The following ZNF28 variants were observed in gnomAD, a reference collection of about 807,000 sequenced individuals.
ZNF28 encodes the protein zinc finger protein KOX24.
In ZNF28, 5 loss-of-function variants were observed where a neutral mutation model predicts 7.2. That is an observed-to-expected ratio of 0.70 (90% CI 0.36 to 1.46). The LOEUF (loss-of-function observed/expected upper bound fraction) is 1.46. ZNF28 is among the 40% of genes most tolerant of loss of function. The pLI is 0.03. For missense variants in ZNF28, 879 were observed against 866.6 expected (o/e 1.01, Z -0.18); for synonymous variants, 288 against 292.4 (o/e 0.99, Z 0.15).
In ZNF28 at chr19:52,800,908, G is replaced by A. The variant is rs1298255221; in HGVS notation, c.937C>T (p.His313Tyr). The change falls in exon 4 of 4, where the codon CAC becomes TAC. Residue 313 changes from histidine to tyrosine, a missense_variant. Physicochemically the swap from His to Tyr is moderately conservative, Grantham distance 83. Coordinates refer to ENST00000457749, the MANE Select transcript of ZNF28 (RefSeq NM_006969.5). ...ECDKVFSRKS[H>Y]LETHKIIYTG... is the part of the protein sequence containing the mutation. Reference sequence around the variant, plus strand: ...TAAATTATCTTATGTGTTTCAAGGTGTGATTTGCGACTGAAAACTTTGTCA... The same window carrying A: ...TAAATTATCTTATGTGTTTCAAGGTATGATTTGCGACTGAAAACTTTGTCA... 6.2e-7 allele frequency: 1 copy of A among 1,614,054 alleles called. No individual in the cohort carries two copies. Among genetic ancestry groups the A allele is most frequent in the Admixed American group, 1.7e-5 (1 of 60,014 alleles).
Position 52,799,992 on chromosome 19 carries a change from T to C in ZNF28, c.1853A>G (p.Gln618Arg), listed in dbSNP as rs1456569734. ...KCNECGKTFR[Q>R]TSSLIIHRRL... ...ACGATGGATTATAAGCGATGATGTCTGACGGAAGGTCTTGCCACACTCATT... is the reference window on the plus strand; with the variant it reads ...ACGATGGATTATAAGCGATGATGTCCGACGGAAGGTCTTGCCACACTCATT... Residue 618 changes from glutamine (Q) to arginine (R), a missense_variant, in exon 4 of 4, where the codon CAG becomes CGG. Gln to Arg is a conservative substitution (Grantham distance 43, BLOSUM62 1). Transcript: ENST00000457749. 3.7e-6 allele frequency: 6 copies of C among 1,612,818 alleles called. No individual in the cohort carries two copies. Among genetic ancestry groups the C allele is most frequent in the Non-Finnish European group, 5.1e-6 (6 of 1,179,558 alleles).
chr19:52,799,312 A>G lies in ZNF28; in HGVS notation c.*376T>C, dbSNP rs944625614. 16 of 430,734 alleles carry G rather than the reference A, an allele frequency of 3.7e-5. No individual in the cohort carries two copies. Among genetic ancestry groups the G allele is most frequent in the African/African-American group, 3.0e-4 (15 of 49,358 alleles). 26.7% of individuals were successfully genotyped at this position (430,734 alleles called of 1,614,324 possible). On this transcript the variant is annotated 3_prime_UTR_variant, in exon 4 of 4. Coordinates refer to ENST00000457749, the MANE Select transcript of ZNF28 (RefSeq NM_006969.5). Reference sequence around the variant, plus strand: ...TGAATTCTAATATGTTTTGCCAGGTATGAATTATATTCAAAAATCTTGTCA... The same window carrying G: ...TGAATTCTAATATGTTTTGCCAGGTGTGAATTATATTCAAAAATCTTGTCA...
At chr19:52,821,281 C>T (rs367564437) in intron 1 of ZNF28, among the ~76,000 whole-genome samples, 1 of 152,044 alleles carries the variant, frequency 6.6e-6, no homozygotes, top group East Asian at 1.9e-4. Flanking sequence ...GAATACACCT[C>T]TAGGGTGAGG....
intron 2 of ZNF28, chr19:52,810,561 A>AC: frequency 4.4e-6 from 7 of 1,594,206 alleles, no homozygotes; most frequent in Non-Finnish European, 6.0e-6. Context: ...AGCACAACAG[A>AC]CCGGGGTCTT....
Position 52,797,769 on chromosome 19 carries a change from C to T in ZNF28, c.*1919G>A, listed in dbSNP as rs753066274. 2.6e-5 allele frequency: 4 copies of T among 152,094 alleles called. No homozygotes were observed. The highest frequency in any genetic ancestry group is 4.4e-5 in the Non-Finnish European group (3 of 68,022). 9.4% of individuals were successfully genotyped at this position (152,094 alleles called of 1,614,324 possible). A position where few individuals can be genotyped will look rare whatever the true frequency, so the allele number is the denominator to read the frequency against. On this transcript the variant is annotated 3_prime_UTR_variant, in exon 4 of 4. Transcript: ENST00000457749. ...TTAGTATTGCTCAATGATTATATAA[C>T]CGAATGTGATTTAGATTCAACACAA...
chr19:52,812,126 C>G (rs1474328274), intron 2 of ZNF28, among the ~76,000 whole-genome samples: 5 of 118,910 alleles, frequency 4.2e-5, no homozygotes, highest in Admixed American at 1.6e-4. Context: ...CCAGCCGCCC[C>G]GTCCGGGAGG....
intron 1 of ZNF28, among the ~76,000 whole-genome samples, chr19:52,818,379 C>G (rs1364122101): frequency 2.6e-5 from 4 of 152,126 alleles, no homozygotes; most frequent in Non-Finnish European, 5.9e-5. Context: ...AAGTTCGAGA[C>G]CAGCCTGGCC....
intron 1 of ZNF28, among the ~76,000 whole-genome samples, chr19:52,821,341 A>G (rs2063195568): frequency 6.6e-6 from 1 of 152,180 alleles, no homozygotes; most frequent in South Asian, 2.1e-4. Flanking sequence ...TTTGAGCAGG[A>G]AAACTACGAG....
chr19:52,805,743 G>C (rs1309340408), intron 3 of ZNF28: 2 of 152,072 alleles, frequency 1.3e-5, no homozygotes, highest in East Asian at 3.9e-4. Flanking sequence ...AACACTTTGG[G>C]AGGATGAGCT....
chr19:52,809,651 CAAA>C (rs754793312), intron 2 of ZNF28, among the ~76,000 whole-genome samples: 1 of 152,106 alleles, frequency 6.6e-6, no homozygotes, highest in East Asian at 1.9e-4. Context: ...ACTAAAAATA[CAAA>C]AAATAGCCAG....
At chr19:52,811,045 A>G (rs1012555497) in intron 2 of ZNF28, among the ~76,000 whole-genome samples, 16 of 146,088 alleles carry the variant, frequency 1.1e-4, no homozygotes, top group East Asian at 2.0e-4. Flanking sequence ...ACGCGCCGCC[A>G]CGCCTGACTG....
chr19:52,820,710 G>C (rs1429154892), intron 1 of ZNF28, among the ~76,000 whole-genome samples: 5 of 98,388 alleles, frequency 5.1e-5, no homozygotes, highest in Admixed American at 3.5e-4. Context: ...CTACCTTGCT[G>C]TCTGTCCTTC....
intron 1 of ZNF28, among the ~76,000 whole-genome samples, chr19:52,819,745 C>T (rs1331465865): frequency 7.0e-6 from 1 of 143,684 alleles, no homozygotes; most frequent in Non-Finnish European, 1.5e-5. Flanking sequence ...GCATCTTTCA[C>T]ATGCCTGGGT....
In ZNF28 at chr19:52,799,167, C is replaced by A; in HGVS notation, c.*521G>T. ...GTGTGACTGTTGATTAAAAACTATG[C>A]CACATTCATTACACTTGTAGGGTTT... On this transcript the variant is annotated 3_prime_UTR_variant, in exon 4 of 4. Transcript: ENST00000457749. 1 of 408,160 alleles carries A rather than the reference C, an allele frequency of 2.5e-6. No individual in the cohort carries two copies. The highest frequency in any genetic ancestry group is 4.7e-6 in the Non-Finnish European group (1 of 210,770). The allele number at this position is 408,160 out of a possible 1,614,324, so 25.3% of individuals were successfully genotyped here. A position where few individuals can be genotyped will look rare whatever the true frequency, so the allele number is the denominator to read the frequency against.
intron 2 of ZNF28, among the ~76,000 whole-genome samples, chr19:52,811,772 GC>G (rs1005041183): frequency 1.4e-5 from 2 of 147,396 alleles, no homozygotes; most frequent in African/African-American, 5.1e-5. Flanking sequence ...GGGGGGGTCA[GC>G]CCCCCGCCCG....
intron 1 of ZNF28, among the ~76,000 whole-genome samples, chr19:52,821,379 C>T (rs1389047556): frequency 2.6e-5 from 4 of 152,078 alleles, no homozygotes; most frequent in Non-Finnish European, 5.9e-5. Flanking sequence ...TGCCCTGTAG[C>T]AGAAAGACCC....
Position 52,799,479 on chromosome 19 carries a change from G to A in ZNF28, c.*209C>T, listed in dbSNP as rs1568643892. ...ATGAATTCTATGATGACGTGCAAGG[G>A]TTGTTTTTTGATTAAAAACCTTGCC... is the stretch of plus-strand genomic sequence containing the variant. On this transcript the variant is annotated 3_prime_UTR_variant, in exon 4 of 4. Transcript: ENST00000457749. 2.1e-6 allele frequency: 2 copies of A among 932,500 alleles called. No homozygotes were observed. The highest frequency in any genetic ancestry group is 2.2e-4 in the Middle Eastern group (1 of 4,496). 57.8% of individuals were successfully genotyped at this position (932,500 alleles called of 1,614,324 possible).
rs2063170773 is a variant in ZNF28, at chr19:52,819,633, G to T, written c.-73-1602C>A. Among the ~76,000 whole-genome samples, 7 of 131,228 alleles carry T rather than the reference G, an allele frequency of 5.3e-5. No individual in the cohort carries two copies. In the Admixed American group the frequency reaches 5.4e-4, roughly 10 times the overall value. 86.1% of individuals were successfully genotyped at this position (131,228 alleles called of 152,430 possible). On this transcript the variant is annotated intron_variant, in intron 1 of 3. Coordinates refer to ENST00000457749, the MANE Select transcript of ZNF28 (RefSeq NM_006969.5). ...CATTTTCACGAAGTTACCCTGAGAA[G>T]GTCTGAGATGAGTGAGAAGGTGTGC... is the stretch of plus-strand genomic sequence containing the variant.
At position 52,819,398 on chromosome 19, in the gene ZNF28, C is replaced by CTT. The variant is rs138200021; in HGVS notation, c.-73-1369_-73-1368dup. Among the ~76,000 whole-genome samples the CTT allele has an allele frequency of 7.3e-4, 99 of 135,630 alleles. 5 individuals are homozygous for CTT. The highest frequency in any genetic ancestry group is 1.2e-3 in the African/African-American group (41 of 33,526). The allele number at this position is 135,630 out of a possible 152,430, so 89.0% of individuals were successfully genotyped here. ...CCACTCTCTTTCTTCCATTCTATTGCTTTTTTTTTTCATTTTTGGGGTACT... is the reference window on the plus strand; with the variant it reads ...CCACTCTCTTTCTTCCATTCTATTGCTTTTTTTTTTTTCATTTTTGGGGTACT... On this transcript the variant is annotated intron_variant, in intron 1 of 3. Coordinates refer to ENST00000457749, the MANE Select transcript of ZNF28 (RefSeq NM_006969.5).
Sources: allele counts gnomAD v4.1 joint callset (sites outside exome capture counted in the v4.1 genomes callset), GRCh38; gene constraint gnomAD v4.1.1; transcripts MANE v1.5; gene names NCBI Gene and HGNC (gene_info 2026-07-23, HGNC 2026-07-21).